The following ADGB variants were observed in gnomAD, a reference collection of about 807,000 sequenced individuals.
ADGB encodes the protein calpain-7-like protein.
A neutral mutation model predicts 210.5 loss-of-function variants in ADGB; 172 were observed. That is an observed-to-expected ratio of 0.82 (90% CI 0.72 to 0.93). The LOEUF (loss-of-function observed/expected upper bound fraction) is 0.93. Among genes scored for constraint, ADGB ranks in the 40% least tolerant of loss-of-function variants. The probability of loss-of-function intolerance (pLI) is 0.00; values close to 1 mark genes in which losing one functional copy is unlikely to be tolerated. For synonymous variants in ADGB, 658 were observed against 662.7 expected, an observed-to-expected ratio of 0.99 and a Z score of 0.11; for missense variants, 2,025 against 1,964.8, an observed-to-expected ratio of 1.03 and a Z score of -0.58.
At chr6:146,800,872 A>G (rs1294983858) in intron 33 of ADGB, among the ~76,000 whole-genome samples, 1 of 152,214 alleles carries the variant, frequency 6.6e-6, no homozygotes, top group Non-Finnish European at 1.5e-5. Flanking sequence ...GTAACTTAAC[A>G]TAAGACTTGT....
At chr6:146,707,907 CTTTG>C (rs1204990917) in intron 13 of ADGB, among the ~76,000 whole-genome samples, 1 of 151,776 alleles carries the variant, frequency 6.6e-6, no homozygotes. Context: ...TTTGTAGGTC[CTTTG>C]TTTCTTTCTT....
intron 2 of ADGB, among the ~76,000 whole-genome samples, chr6:146,637,408 T>G (rs537850955): frequency 7.2e-5 from 11 of 152,116 alleles, no homozygotes; most frequent in Non-Finnish European, 1.6e-4. Context: ...TTAAGATATT[T>G]ACTCAACTCC....
At chr6:146,664,595 T>A (rs563242489) in intron 6 of ADGB, among the ~76,000 whole-genome samples, 2 of 152,108 alleles carry the variant, frequency 1.3e-5, no homozygotes, top group South Asian at 2.1e-4. Flanking sequence ...TTACTATGAA[T>A]GGAAATTTGA....
At chr6:146,638,016 G>T (rs939040312) in intron 2 of ADGB, among the ~76,000 whole-genome samples, 3 of 151,968 alleles carry the variant, frequency 2.0e-5, no homozygotes, top group African/African-American at 4.8e-5. Context: ...AAATCCAGCA[G>T]CACATCAAAA....
intron 27 of ADGB, among the ~76,000 whole-genome samples, chr6:146,753,959 CTT>C (rs1475765159): frequency 6.6e-6 from 1 of 151,378 alleles, no homozygotes; most frequent in African/African-American, 2.4e-5. Flanking sequence ...ATTTTTGAGA[CTT>C]TTAAATTCTC....
chr6:146,808,546 G>C (rs1408254620), intron 35 of ADGB, among the ~76,000 whole-genome samples: 1 of 152,138 alleles, frequency 6.6e-6, no homozygotes, highest in Admixed American at 6.5e-5. Flanking sequence ...ATTTAACTGA[G>C]GCACATAGCA....
intron 18 of ADGB, chr6:146,725,254 A>T (rs561493275): frequency 2.0e-5 from 3 of 152,340 alleles, no homozygotes; most frequent in African/African-American, 7.2e-5. Context: ...CACAGAACCT[A>T]AACCATCAAC....
At chr6:146,711,563 G>A (rs977256190) in intron 13 of ADGB, among the ~76,000 whole-genome samples, 1 of 152,054 alleles carries the variant, frequency 6.6e-6, no homozygotes, top group Non-Finnish European at 1.5e-5. Context: ...AAGATGTACA[G>A]GAAGTAAAAT....
intron 35 of ADGB, among the ~76,000 whole-genome samples, chr6:146,809,744 G>A (rs78214448): frequency 0.014 from 2,099 of 147,950 alleles, 37 homozygotes; most frequent in African/African-American, 0.041. Flanking sequence ...ATGATGTTGG[G>A]AAAACTAAAT....
At chr6:146,743,587 T>A (rs1203155656) in intron 25 of ADGB, among the ~76,000 whole-genome samples, 2 of 152,220 alleles carry the variant, frequency 1.3e-5, no homozygotes, top group Non-Finnish European at 2.9e-5. Context: ...ATTTTATCTC[T>A]TCTGCCCTCT....
intron 31 of ADGB, among the ~76,000 whole-genome samples, chr6:146,785,220 A>G (rs899203082): frequency 2.0e-5 from 3 of 152,124 alleles, no homozygotes; most frequent in African/African-American, 7.2e-5. Context: ...TCTAGAGTCT[A>G]GAGACCCTAG....
At position 146,643,537 on chromosome 6, in the gene ADGB, C is replaced by A. The variant is rs59637348; in HGVS notation, c.238-1236C>A. Among the ~76,000 whole-genome samples the A allele has an allele frequency of 9.9e-3, 1,502 of 151,838 alleles. 30 individuals carry two copies. The highest frequency in any genetic ancestry group is 0.033 in the African/African-American group (1,362 of 41,482). On this transcript the variant is annotated intron_variant, in intron 2 of 35. Coordinates refer to ENST00000397944, the MANE Select transcript of ADGB (RefSeq NM_024694.4). Reference sequence around the variant, plus strand: ...AAATTCTTAGAACTCTTACATAGTACTTGCCCAAAGCATTTTTAACTTACT... The same window carrying A: ...AAATTCTTAGAACTCTTACATAGTAATTGCCCAAAGCATTTTTAACTTACT...
rs1776959345 is a variant in ADGB at position 146,730,228 on chromosome 6, C to A, written c.2520+1487C>A. ...GCTTGGGGTTCTTGAGGAAATATAA[C>A]TAGAAATAAAATCTCCCAACCTAGA... On this transcript the variant is annotated intron_variant, in intron 20 of 35. Coordinates refer to ENST00000397944, the MANE Select transcript of ADGB (RefSeq NM_024694.4). Among the ~76,000 whole-genome samples, 4 of 152,144 alleles carry A rather than the reference C, an allele frequency of 2.6e-5. No individual in the cohort carries two copies. In the South Asian group the frequency reaches 8.3e-4, roughly 32 times the overall value.
intron 1 of ADGB, among the ~76,000 whole-genome samples, chr6:146,615,630 T>A (rs956327869): frequency 6.6e-6 from 1 of 152,214 alleles, no homozygotes; most frequent in East Asian, 1.9e-4. Flanking sequence ...ATCATTCTAC[T>A]CTCTACCTTC....
intron 29 of ADGB, 117 bp from the exon 30 acceptor site, chr6:146,781,903 A>G (rs1777805547): frequency 2.7e-6 from 2 of 737,776 alleles, no homozygotes; most frequent in Admixed American, 8.5e-5. Context: ...TGTGTGATTG[A>G]AAAAATACAA....
chr6:146,695,194 A>G lies in ADGB; in HGVS notation c.1577+2279A>G, dbSNP rs186958981. Among the ~76,000 whole-genome samples, 9 of 152,204 alleles carry G rather than the reference A, an allele frequency of 5.9e-5. No individual in the cohort carries two copies. In the East Asian group the frequency reaches 1.7e-3, roughly 29 times the overall value. On this transcript the variant is annotated intron_variant, in intron 12 of 35. Coordinates refer to ENST00000397944, the MANE Select transcript of ADGB (RefSeq NM_024694.4). ...GGGGCTTTGTTTCAGTGATTGGCTT[A>G]GTTGTAGTTTTAATTTTGCTTTCAT... is the stretch of plus-strand genomic sequence containing the variant.
At chr6:146,632,622 G>T (rs1183343251) in intron 1 of ADGB, among the ~76,000 whole-genome samples, 1 of 152,060 alleles carries the variant, frequency 6.6e-6, no homozygotes, top group Non-Finnish European at 1.5e-5. Flanking sequence ...CTTACATATA[G>T]AGTACCAGGG....
chr6:146,785,496 A>G, intron 31 of ADGB, 114 bp from the exon 32 acceptor site: 1 of 686,366 alleles, frequency 1.5e-6, no homozygotes, highest in Non-Finnish European at 2.4e-6. Context: ...AGACTGCCCT[A>G]TTTAATTCAC....
At chr6:146,805,772 C>T (rs1187149001) in intron 35 of ADGB, among the ~76,000 whole-genome samples, 1 of 152,154 alleles carries the variant, frequency 6.6e-6, no homozygotes, top group East Asian at 1.9e-4. Flanking sequence ...GAGATCTTCA[C>T]CAGCTGCTCT....
Sources: gnomAD v4.1 joint callset for allele counts (sites outside exome capture counted in the v4.1 genomes callset) on GRCh38, gnomAD v4.1.1 for gene constraint, MANE v1.5 for transcripts, NCBI Gene and HGNC (gene_info 2026-07-23, HGNC 2026-07-21) for gene names.